The following COMMD10 variants were observed in gnomAD, a reference collection of about 807,000 sequenced individuals.
COMMD10 encodes the protein COMM domain containing 10.
COMMD10 carries 33 observed loss-of-function variants against 28.9 expected under a neutral mutation model. That is an observed-to-expected ratio of 1.14 (90% CI 0.87 to 1.53). The LOEUF is 1.53. Ranked by LOEUF, COMMD10 falls within the 40% of genes most tolerant of loss-of-function variation. COMMD10 has a pLI of 0.00. For missense variants in COMMD10, 310 were observed against 233.4 expected (o/e 1.33, Z -2.14); for synonymous variants, 110 against 81.7 (o/e 1.35, Z -1.87).
chr5:116,245,089 A>G (rs1749908260), intron 5 of COMMD10, among the ~76,000 whole-genome samples: 1 of 151,980 alleles, frequency 6.6e-6, no homozygotes, highest in Admixed American at 6.6e-5. Flanking sequence ...ATCACTAGCT[A>G]GACTAATAAA....
chr5:116,092,691 T>G lies in COMMD10; in HGVS notation c.390T>G (p.Ala130=), dbSNP rs746739074. 1.2e-6 allele frequency: 2 copies of G among 1,605,736 alleles called. No homozygotes were observed. Among genetic ancestry groups the G allele is most frequent in the Non-Finnish European group, 1.7e-6 (2 of 1,175,848 alleles). ...TVEKFRQRIL[A]PCKLETVGWQ... is the part of the protein sequence containing the mutation. The stretch of plus-strand genomic sequence containing the variant: ...AAAAGTTCCGGCAGAGAATTCTGGC[T>G]CCCTGTAAGGTATAGAACATACTGT... The change falls in exon 4 of 7, where the codon GCT becomes GCG. Residue 130 remains alanine, a synonymous_variant. Coordinates refer to ENST00000274458, the MANE Select transcript of COMMD10 (RefSeq NM_016144.4).
intron 5 of COMMD10, among the ~76,000 whole-genome samples, chr5:116,285,058 G>T (rs1214249078): frequency 6.6e-6 from 1 of 151,814 alleles, no homozygotes; most frequent in Non-Finnish European, 1.5e-5. Context: ...GCAAACTTGT[G>T]ACTTCCTAGT....
intron 5 of COMMD10, among the ~76,000 whole-genome samples, chr5:116,204,659 ATCAC>A (rs1748765317): frequency 6.6e-6 from 1 of 152,200 alleles, no homozygotes; most frequent in Non-Finnish European, 1.5e-5. Flanking sequence ...CAAATAAAAA[ATCAC>A]TCATTGACAC....
chr5:116,161,844 T>C (rs994709536), intron 5 of COMMD10, among the ~76,000 whole-genome samples: 3 of 152,068 alleles, frequency 2.0e-5, no homozygotes, highest in Admixed American at 6.6e-5. Context: ...CATATAACTT[T>C]TATGGAAAAA....
intron 5 of COMMD10, among the ~76,000 whole-genome samples, chr5:116,273,406 C>T (rs1435973706): frequency 6.6e-6 from 1 of 151,716 alleles, no homozygotes; most frequent in Non-Finnish European, 1.5e-5. Flanking sequence ...GTCATTTTTC[C>T]TCATCCAAGA....
chr5:116,117,062 T>G (rs761462716), intron 4 of COMMD10, among the ~76,000 whole-genome samples: 6 of 152,222 alleles, frequency 3.9e-5, no homozygotes, highest in Non-Finnish European at 8.8e-5. Flanking sequence ...TGACTGTCAC[T>G]CAAAATAATT....
At chr5:116,206,482 T>A (rs1332493227) in intron 5 of COMMD10, among the ~76,000 whole-genome samples, 1 of 151,934 alleles carries the variant, frequency 6.6e-6, no homozygotes, top group African/African-American at 2.4e-5. Context: ...GAAACCCAGT[T>A]TCCACTAAAA....
chr5:116,227,467 C>T (rs1028052590), intron 5 of COMMD10, among the ~76,000 whole-genome samples: 12 of 151,824 alleles, frequency 7.9e-5, no homozygotes, highest in African/African-American at 2.2e-4. Flanking sequence ...TTAATATGAC[C>T]TGAAAAAAAT....
intron 5 of COMMD10, among the ~76,000 whole-genome samples, chr5:116,283,676 C>G (rs1036830906): frequency 6.6e-6 from 1 of 151,660 alleles, no homozygotes; most frequent in Non-Finnish European, 1.5e-5. Context: ...CTCAAAATAA[C>G]AACTTTTTAA....
At chr5:116,089,707 G>A (rs1750235692) in intron 2 of COMMD10, among the ~76,000 whole-genome samples, 1 of 152,166 alleles carries the variant, frequency 6.6e-6, no homozygotes, top group Admixed American at 6.5e-5. Context: ...GAGAAGAGGT[G>A]CTTGTTGAAA....
chr5:116,285,894 G>A (rs113824802), intron 5 of COMMD10, among the ~76,000 whole-genome samples: 3,338 of 151,908 alleles, frequency 0.022, 190 homozygotes, highest in African/African-American at 0.078. Flanking sequence ...AAGCTTGGAA[G>A]TATCTCCTCT....
chr5:116,146,307 G>A (rs758307355), intron 5 of COMMD10, among the ~76,000 whole-genome samples: 1 of 151,860 alleles, frequency 6.6e-6, no homozygotes, highest in Non-Finnish European at 1.5e-5. Flanking sequence ...ATCTGCTGGA[G>A]ATAGTAGAGT....
intron 5 of COMMD10, among the ~76,000 whole-genome samples, chr5:116,249,350 C>T (rs1750046526): frequency 6.6e-6 from 1 of 151,834 alleles, no homozygotes; most frequent in Non-Finnish European, 1.5e-5. Context: ...ATGGCCTGGC[C>T]ATGGCAAACC....
At chr5:116,217,558 A>G (rs1356504287) in intron 5 of COMMD10, among the ~76,000 whole-genome samples, 1 of 152,212 alleles carries the variant, frequency 6.6e-6, no homozygotes, top group African/African-American at 2.4e-5. Context: ...GACAGGTGCC[A>G]TCTCAGTGGC....
intron 5 of COMMD10, among the ~76,000 whole-genome samples, chr5:116,251,634 TA>T (rs1750122919): frequency 6.6e-6 from 1 of 151,132 alleles, no homozygotes; most frequent in Non-Finnish European, 1.5e-5. Flanking sequence ...CATCATTTTT[TA>T]TGGCTGCATA....
intron 5 of COMMD10, chr5:116,218,053 C>T: frequency 1.7e-6 from 2 of 1,160,854 alleles, no homozygotes; most frequent in South Asian, 1.2e-5. Flanking sequence ...CTTCAGCTTT[C>T]TGTGCCTGAT....
At chr5:116,188,406 T>C (rs1187676504) in intron 5 of COMMD10, 1 of 151,998 alleles carries the variant, frequency 6.6e-6, no homozygotes, top group African/African-American at 2.4e-5. Flanking sequence ...TTGTGTGATA[T>C]TAGGAATATC....
intron 5 of COMMD10, among the ~76,000 whole-genome samples, chr5:116,224,746 A>G (rs186327556): frequency 6.6e-6 from 1 of 152,306 alleles, no homozygotes; most frequent in Non-Finnish European, 1.5e-5. Flanking sequence ...GGAGGGGACA[A>G]AACATTCAAA....
At chr5:116,181,136 C>T in intron 5 of COMMD10, among the ~76,000 whole-genome samples, 1 of 151,458 alleles carries the variant, frequency 6.6e-6, no homozygotes, top group African/African-American at 2.4e-5. Flanking sequence ...AGAGTGAGAC[C>T]CTGTCTCCAA....
Sources: allele counts gnomAD v4.1 joint callset (sites outside exome capture counted in the v4.1 genomes callset), GRCh38; gene constraint gnomAD v4.1.1; transcripts MANE v1.5; gene names NCBI Gene and HGNC (gene_info 2026-07-23, HGNC 2026-07-21).